Variants in ZNF274 observed in about 807,000 individuals in gnomAD.
ZNF274 encodes zinc finger protein 274.
Under a neutral mutation model 42.5 loss-of-function variants are expected in ZNF274, and 23 were observed. The observed-to-expected ratio is 0.54, with a 90% CI of 0.39 to 0.77. The LOEUF is 0.77. Among genes scored for constraint, ZNF274 ranks in the 30% least tolerant of loss-of-function variants. ZNF274 has a pLI of 0.00. For missense variants in ZNF274, 679 were observed against 806.5 expected, an observed-to-expected ratio of 0.84 and a Z score of 1.91; for synonymous variants, 292 against 305.4, an observed-to-expected ratio of 0.96 and a Z score of 0.46.
At chr19:58,186,472 A>G (rs1042932344) in intron 3 of ZNF274, among the ~76,000 whole-genome samples, 1 of 144,602 alleles carries the variant, frequency 6.9e-6, no homozygotes, top group African/African-American at 2.6e-5. Context: ...GGTGGAGGAG[A>G]TTGCAGTGAG....
rs371839359 is a variant in ZNF274, at chr19:58,188,682, A to G, written c.256+1640A>G. On this transcript the variant is annotated intron_variant, in intron 4 of 7. Transcript: ENST00000617501. ...GATGTGTGTGTGTGTGTGTGTATAT[A>G]TATATGTATATGTATATATATATAT... Among the ~76,000 whole-genome samples the G allele has an allele frequency of 8.3e-3, 631 of 75,596 alleles. 3 individuals carry two copies. Among genetic ancestry groups the G allele is most frequent in the Admixed American group, 0.014 (60 of 4,366 alleles). 49.6% of individuals were successfully genotyped at this position (75,596 alleles called of 152,430 possible). A position where few individuals can be genotyped will look rare whatever the true frequency, so the allele number is the denominator to read the frequency against.
intron 3 of ZNF274, among the ~76,000 whole-genome samples, chr19:58,186,723 G>C (rs921792608): frequency 6.6e-6 from 1 of 152,114 alleles, no homozygotes; most frequent in Non-Finnish European, 1.5e-5. Flanking sequence ...CCAGCTGACC[G>C]ATCTCCCTTT....
At chr19:58,186,879 C>A in intron 3 of ZNF274, 68 bp from the exon 4 acceptor site, 5 of 1,376,608 alleles carry the variant, frequency 3.6e-6, no homozygotes, top group Non-Finnish European at 4.1e-6. Flanking sequence ...ACGGCTTGTG[C>A]TGCAGTAGGA....
At chr19:58,194,210 T>C (rs1465589010) in intron 4 of ZNF274, among the ~76,000 whole-genome samples, 1 of 151,900 alleles carries the variant, frequency 6.6e-6, no homozygotes, top group Admixed American at 6.6e-5. Flanking sequence ...AAAATATGTG[T>C]GTGTGTGGGT....
At chr19:58,188,722 A>ATATATATATG (rs1441558150) in intron 4 of ZNF274, among the ~76,000 whole-genome samples, 1 of 132,744 alleles carries the variant, frequency 7.5e-6, no homozygotes, top group African/African-American at 2.8e-5. Context: ...ATATATATAT[A>ATATATATATG]TAAATCTTTA....
At chr19:58,199,714 A>T (rs2075887351) in intron 4 of ZNF274, among the ~76,000 whole-genome samples, 1 of 152,258 alleles carries the variant, frequency 6.6e-6, no homozygotes, top group Non-Finnish European at 1.5e-5. Context: ...TTCCATCTCA[A>T]AAAGAAAGAA....
At chr19:58,194,932 C>T (rs893302336) in intron 4 of ZNF274, among the ~76,000 whole-genome samples, 1 of 151,778 alleles carries the variant, frequency 6.6e-6, no homozygotes, top group Non-Finnish European at 1.5e-5. Context: ...AGCCGGGAGG[C>T]GGAGCTTGCA....
At chr19:58,190,602 C>T (rs910667422) in intron 4 of ZNF274, among the ~76,000 whole-genome samples, 1 of 152,138 alleles carries the variant, frequency 6.6e-6, no homozygotes, top group Admixed American at 6.6e-5. Flanking sequence ...AATTCTTCTC[C>T]TTTGAGCAGT....
intron 4 of ZNF274, among the ~76,000 whole-genome samples, chr19:58,198,717 A>C (rs2075872779): frequency 6.6e-6 from 1 of 152,216 alleles, no homozygotes; most frequent in East Asian, 1.9e-4. Flanking sequence ...TGTTGAGTGT[A>C]GGAATGAACA....
chr19:58,190,315 T>C (rs2146201584), intron 4 of ZNF274, among the ~76,000 whole-genome samples: 1 of 152,104 alleles, frequency 6.6e-6, no homozygotes, highest in Non-Finnish European at 1.5e-5. Flanking sequence ...GCCCGGCCAA[T>C]TTTTTAATCA....
intron 4 of ZNF274, among the ~76,000 whole-genome samples, chr19:58,204,005 G>A (rs2075949495): frequency 6.6e-6 from 1 of 152,218 alleles, no homozygotes; most frequent in Admixed American, 6.5e-5. Flanking sequence ...CCCTGGGCCC[G>A]TGCCAGCGGT....
In ZNF274 at chr19:58,212,647, G is replaced by T. The variant is rs750948412; in HGVS notation, c.1466G>T (p.Ser489Ile). The change falls in exon 8 of 8, where the codon AGT becomes ATT. Residue 489 changes from serine (S) to isoleucine (I), a missense_variant. By Grantham distance (142) the Ser-to-Ile change is moderately radical (BLOSUM62 -2). Transcript: ENST00000617501. The surrounding 1 kb of genome is among the most constrained non-coding windows in gnomAD (Gnocchi z 4.6). The stretch of plus-strand genomic sequence containing the variant: ...GGCAATGGTTGTAGGAAAACCTTCA[G>T]TCGGAGTACTAAACAGATTACGTTT... ...KEGNGCRKTF[S>I]RSTKQITFIR... The T allele has an allele frequency of 3.1e-6, 5 of 1,614,064 alleles. No individual in the cohort carries two copies. The Admixed American group carries it at 6.7e-5, about 22-fold the overall frequency.
At chr19:58,198,392 TATAA>T (rs2075868653) in intron 4 of ZNF274, among the ~76,000 whole-genome samples, 1 of 152,242 alleles carries the variant, frequency 6.6e-6, no homozygotes, top group Non-Finnish European at 1.5e-5. Context: ...CATTTTAATA[TATAA>T]ATATACATAA....
Position 58,185,784 on chromosome 19 carries a change from A to G in ZNF274, c.106A>G (p.Lys36Glu). Residue 36 changes from lysine (K) to glutamate (E), a missense_variant, in exon 3 of 8, where the codon AAG becomes GAG. By Grantham distance (56) the Lys-to-Glu change is moderately conservative. Coordinates refer to ENST00000617501, the MANE Select transcript of ZNF274 (RefSeq NM_133502.3). ...EEWGLLDLKQKSLYREVMLEN... is the reference protein window; with the variant it reads ...EEWGLLDLKQESLYREVMLEN... ...GTGGGGACTGCTGGACCTCAAACAG[A>G]AGTCCCTGTACAGGGAAGTGATGCT... 1 of 1,457,226 alleles carries G rather than the reference A, an allele frequency of 6.9e-7. No homozygotes were observed. Among genetic ancestry groups the G allele is most frequent in the Non-Finnish European group, 9.1e-7 (1 of 1,096,372 alleles). The allele number at this position is 1,457,226 out of a possible 1,614,324, so 90.3% of individuals were successfully genotyped here.
At chr19:58,209,829 G>C in intron 5 of ZNF274, 132 bp from the exon 6 acceptor site, 1 of 607,036 alleles carries the variant, frequency 1.6e-6, no homozygotes, top group African/African-American at 1.8e-5. Context: ...GGGAGGACAG[G>C]AGCAGAGGCT....
intron 4 of ZNF274, among the ~76,000 whole-genome samples, chr19:58,189,302 A>G (rs576472204): frequency 6.6e-6 from 1 of 152,302 alleles, no homozygotes; most frequent in East Asian, 1.9e-4. Context: ...TAGGTAGATT[A>G]TCCAAACACT....
chr19:58,185,929 A>AG, intron 3 of ZNF274, 91 bp downstream of exon 3: 2 of 1,190,070 alleles, frequency 1.7e-6, no homozygotes, highest in Non-Finnish European at 2.2e-6. Flanking sequence ...CTCACACTGC[A>AG]GGGGCACCAG....
chr19:58,206,715 T>C lies in ZNF274; in HGVS notation c.257-5T>C. 3.2e-6 allele frequency: 5 copies of C among 1,561,212 alleles called. No homozygotes were observed. The highest frequency in any genetic ancestry group is 4.3e-6 in the Non-Finnish European group (5 of 1,152,512). On this transcript the variant is annotated splice_region_variant and splice_polypyrimidine_tract_variant and intron_variant, in intron 4 of 7. Coordinates refer to ENST00000617501, the MANE Select transcript of ZNF274 (RefSeq NM_133502.3). Reference sequence around the variant, plus strand: ...CATTTGTCTTGCTCTGCTTTTGACTTACAGAGTATCCTGAGCTCCAGCTGG... The same window carrying C: ...CATTTGTCTTGCTCTGCTTTTGACTCACAGAGTATCCTGAGCTCCAGCTGG...
intron 2 of ZNF274, chr19:58,184,964 C>G (rs893990523): frequency 4.7e-5 from 7 of 148,976 alleles, no homozygotes; most frequent in Non-Finnish European, 8.9e-5. Flanking sequence ...TAAAAAAATA[C>G]AAAAAATTAG....
Sources: allele counts gnomAD v4.1 joint callset (sites outside exome capture counted in the v4.1 genomes callset), GRCh38; gene constraint gnomAD v4.1.1; non-coding constraint Gnocchi (gnomAD v3.1); transcripts MANE v1.5; gene names NCBI Gene and HGNC (gene_info 2026-07-23, HGNC 2026-07-21).